TNNI3K: variants seen among roughly 807,000 people sequenced by gnomAD.
TNNI3K encodes the protein serine/threonine-protein kinase TNNI3K.
A neutral mutation model predicts 114.5 loss-of-function variants in TNNI3K; 140 were observed. The observed-to-expected ratio is 1.22, with a 90% CI of 1.07 to 1.41. The LOEUF (loss-of-function observed/expected upper bound fraction) is 1.41. Among genes scored for constraint, TNNI3K ranks in the 40% most tolerant of loss-of-function variants. The pLI is 0.00. For missense variants in TNNI3K, 1,125 were observed against 1,007.6 expected (o/e 1.12, Z -1.58); for synonymous variants, 347 against 347.5 (o/e 1.00, Z 0.02).
chr1:74,342,365 A>G (rs1247775155), intron 7 of TNNI3K, among the ~76,000 whole-genome samples: 2 of 152,096 alleles, frequency 1.3e-5, no homozygotes, highest in African/African-American at 4.8e-5. Context: ...TCAGCTAAGG[A>G]TATACATCAG....
chr1:74,253,087 C>T (rs1655044282), intron 4 of TNNI3K, among the ~76,000 whole-genome samples: 1 of 152,194 alleles, frequency 6.6e-6, no homozygotes, highest in African/African-American at 2.4e-5. Context: ...TCCACATCCC[C>T]ACTAGATTAG....
intron 24 of TNNI3K, 106 bp from the exon 25 acceptor site, chr1:74,543,796 TTGTC>T: frequency 8.2e-7 from 1 of 1,213,178 alleles, no homozygotes; most frequent in Non-Finnish European, 1.2e-6. Flanking sequence ...GTTGTCCAGA[TTGTC>T]TGTTCACATG....
At chr1:74,361,389 A>G (rs1661959112) in intron 11 of TNNI3K, among the ~76,000 whole-genome samples, 1 of 152,104 alleles carries the variant, frequency 6.6e-6, no homozygotes, top group Admixed American at 6.6e-5. Flanking sequence ...GCTTGGCTAA[A>G]TAAAATTTGA....
At chr1:74,333,318 T>C (rs528806802) in intron 6 of TNNI3K, among the ~76,000 whole-genome samples, 1 of 152,164 alleles carries the variant, frequency 6.6e-6, no homozygotes, top group Non-Finnish European at 1.5e-5. Context: ...TGGAGTGCAA[T>C]GAAGAGCTGG....
chr1:74,412,480 G>T (rs1189175906), intron 17 of TNNI3K, among the ~76,000 whole-genome samples: 31 of 152,192 alleles, frequency 2.0e-4, no homozygotes, highest in Non-Finnish European at 4.4e-5. Flanking sequence ...TGGGAGTAAG[G>T]AGGAGGACGT....
At chr1:74,377,571 T>C (rs1324639095) in intron 17 of TNNI3K, among the ~76,000 whole-genome samples, 1 of 152,078 alleles carries the variant, frequency 6.6e-6, no homozygotes, top group Non-Finnish European at 1.5e-5. Context: ...GAATTATATG[T>C]AATAAATAGA....
chr1:74,450,493 TTATC>T (rs1207498855), intron 20 of TNNI3K, among the ~76,000 whole-genome samples: 2 of 152,072 alleles, frequency 1.3e-5, no homozygotes, highest in Non-Finnish European at 2.9e-5. Context: ...AAAATGTTTA[TTATC>T]TATCTATCTG....
chr1:74,286,209 A>T (rs1455254832), intron 5 of TNNI3K, among the ~76,000 whole-genome samples: 1 of 152,158 alleles, frequency 6.6e-6, no homozygotes, highest in Admixed American at 6.5e-5. Flanking sequence ...CCCTAACTTC[A>T]TTGCAGGCCC....
chr1:74,259,713 C>T (rs922092129), intron 4 of TNNI3K, among the ~76,000 whole-genome samples: 7 of 152,124 alleles, frequency 4.6e-5, no homozygotes, highest in African/African-American at 1.2e-4. Context: ...GTGGAGATTG[C>T]ATTGAGCTAA....
At chr1:74,497,202 T>A (rs1669372908) in intron 23 of TNNI3K, among the ~76,000 whole-genome samples, 1 of 152,140 alleles carries the variant, frequency 6.6e-6, no homozygotes, top group South Asian at 2.1e-4. Context: ...ATGACACTGA[T>A]GTTCCTAGGA....
At chr1:74,430,842 A>G (rs1665865051) in intron 17 of TNNI3K, among the ~76,000 whole-genome samples, 1 of 152,136 alleles carries the variant, frequency 6.6e-6, no homozygotes, top group Admixed American at 6.5e-5. Flanking sequence ...ATCAAAGCAG[A>G]AATAGTTTTG....
chr1:74,474,436 T>C (rs1235317645), intron 21 of TNNI3K, among the ~76,000 whole-genome samples: 1 of 152,054 alleles, frequency 6.6e-6, no homozygotes, highest in African/African-American at 2.4e-5. Flanking sequence ...AAATAACATA[T>C]GGTTTTATTC....
chr1:74,538,756 T>A (rs1388411028), intron 23 of TNNI3K, among the ~76,000 whole-genome samples: 2 of 152,076 alleles, frequency 1.3e-5, no homozygotes, highest in Non-Finnish European at 2.9e-5. Flanking sequence ...GGATTTGCGT[T>A]TATTAAGAAG....
At chr1:74,299,784 G>T (rs1658205903) in intron 5 of TNNI3K, among the ~76,000 whole-genome samples, 1 of 151,990 alleles carries the variant, frequency 6.6e-6, no homozygotes, top group Non-Finnish European at 1.5e-5. Context: ...AACATAACAG[G>T]GTTTGGAGAG....
At chr1:74,489,526 G>A (rs140246967) in intron 22 of TNNI3K, among the ~76,000 whole-genome samples, 4 of 152,106 alleles carry the variant, frequency 2.6e-5, no homozygotes, top group East Asian at 3.9e-4. Flanking sequence ...AGTAAAAATT[G>A]GAAAGTATAA....
chr1:74,320,682 A>G (rs1659559403), intron 5 of TNNI3K, among the ~76,000 whole-genome samples: 1 of 152,132 alleles, frequency 6.6e-6, no homozygotes, highest in African/African-American at 2.4e-5. Flanking sequence ...CCAATGACAT[A>G]ACGTTTAGAA....
intron 23 of TNNI3K, among the ~76,000 whole-genome samples, chr1:74,520,553 C>A (rs1268053822): frequency 6.6e-6 from 1 of 151,946 alleles, no homozygotes; most frequent in African/African-American, 2.4e-5. Flanking sequence ...CTCTTTTGAC[C>A]TTTTCCTTCC....
chr1:74,248,458 C>T (rs971937413), intron 2 of TNNI3K, among the ~76,000 whole-genome samples: 1 of 152,190 alleles, frequency 6.6e-6, no homozygotes, highest in Non-Finnish European at 1.5e-5. Context: ...CACGTTGTCA[C>T]CTCTCACTGT....
intron 24 of TNNI3K, among the ~76,000 whole-genome samples, chr1:74,543,514 G>C (rs372820997): frequency 6.6e-6 from 1 of 152,098 alleles, no homozygotes; most frequent in Non-Finnish European, 1.5e-5. Flanking sequence ...TGAACACACC[G>C]AGGCATAGAA....
Sources: allele counts gnomAD v4.1 joint callset (sites outside exome capture counted in the v4.1 genomes callset), GRCh38; gene constraint gnomAD v4.1.1; transcripts MANE v1.5; gene names NCBI Gene and HGNC (gene_info 2026-07-23, HGNC 2026-07-21).